XPR1: variants seen among roughly 807,000 people sequenced by gnomAD.
XPR1 encodes xenotropic and polytropic retrovirus receptor 1.
A neutral mutation model predicts 87.5 loss-of-function variants in XPR1; 28 were observed. That is an observed-to-expected ratio of 0.32 (90% CI 0.24 to 0.44). XPR1 has a LOEUF of 0.44. Among genes scored for constraint, XPR1 ranks in the 20% least tolerant of loss-of-function variants. XPR1 has a pLI of 1.00. For synonymous variants in XPR1, 300 were observed against 306.1 expected, an observed-to-expected ratio of 0.98 and a Z score of 0.21; for missense variants, 559 against 862.3, an observed-to-expected ratio of 0.65 and a Z score of 4.41.
intron 3 of XPR1, among the ~76,000 whole-genome samples, chr1:180,794,010 T>C (rs1206732855): frequency 6.6e-6 from 1 of 152,168 alleles, no homozygotes; most frequent in Non-Finnish European, 1.5e-5. Context: ...ATAATGGGTT[T>C]TTTTTAAATT....
Position 180,885,869 on chromosome 1 carries a change from A to G in XPR1, c.*1803A>G, listed in dbSNP as rs1652993190. 1 of 152,252 alleles carries G rather than the reference A, an allele frequency of 6.6e-6. No homozygotes were observed. The highest frequency in any genetic ancestry group is 2.4e-5 in the African/African-American group (1 of 41,464). 9.4% of individuals were successfully genotyped at this position (152,252 alleles called of 1,614,324 possible). ...AACTCCAGTAAAAGTTACTGTTACT[A>G]GAAAATTTTTATCAATTAACTGACA... On this transcript the variant is annotated 3_prime_UTR_variant, in exon 15 of 15. Coordinates refer to ENST00000367590, the MANE Select transcript of XPR1 (RefSeq NM_004736.4).
At chr1:180,742,573 G>C (rs190298616) in intron 2 of XPR1, among the ~76,000 whole-genome samples, 115 of 152,172 alleles carry the variant, frequency 7.6e-4, no homozygotes, top group African/African-American at 2.6e-3. Flanking sequence ...ATAGTTCCAT[G>C]TGCATTTTGA....
intron 13 of XPR1, among the ~76,000 whole-genome samples, chr1:180,876,492 C>T (rs1003694191): frequency 2.0e-5 from 3 of 151,886 alleles, no homozygotes; most frequent in South Asian, 2.1e-4. Context: ...AAAAATTAGC[C>T]GGGAGTAGTG....
At chr1:180,703,482 T>A (rs7531674) in intron 2 of XPR1, among the ~76,000 whole-genome samples, 6,522 of 152,136 alleles carry the variant, frequency 0.043, 495 homozygotes, top group African/African-American at 0.15. Flanking sequence ...TGGCCATGGT[T>A]AGCAGGGCAG....
At chr1:180,654,719 TCTA>T (rs1266592679) in intron 1 of XPR1, among the ~76,000 whole-genome samples, 1 of 152,222 alleles carries the variant, frequency 6.6e-6, no homozygotes. Flanking sequence ...TCAAGGTGCA[TCTA>T]TGTTGTGCAT....
chr1:180,844,425 A>G (rs540146833), intron 11 of XPR1, among the ~76,000 whole-genome samples: 1 of 152,270 alleles, frequency 6.6e-6, no homozygotes, highest in South Asian at 2.1e-4. Context: ...AAAGAAAGAG[A>G]AAAAAATGAG....
intron 11 of XPR1, among the ~76,000 whole-genome samples, chr1:180,852,476 G>A (rs1016443318): frequency 2.0e-4 from 30 of 151,562 alleles, no homozygotes; most frequent in African/African-American, 7.0e-4. Flanking sequence ...TTTACTTATC[G>A]GTGGTCAACC....
chr1:180,825,681 A>G (rs1476329107), intron 9 of XPR1, among the ~76,000 whole-genome samples: 1 of 152,244 alleles, frequency 6.6e-6, no homozygotes, highest in Non-Finnish European at 1.5e-5. Flanking sequence ...GTATCAACCG[A>G]ACATTTTATT....
chr1:180,816,248 T>G lies in XPR1; in HGVS notation c.763+4760T>G, dbSNP rs566229080. On this transcript the variant is annotated intron_variant, in intron 7 of 14. Coordinates refer to ENST00000367590, the MANE Select transcript of XPR1 (RefSeq NM_004736.4). ...CTCCGATCATCAGGCATTAGTTAGA[T>G]TCTCATAAGGAGCGCGCAACCTAGA... Among the ~76,000 whole-genome samples, 8 of 152,292 alleles carry G rather than the reference T, an allele frequency of 5.3e-5. No individual in the cohort carries two copies. In the South Asian group the frequency reaches 6.2e-4, roughly 12 times the overall value.
At chr1:180,838,442 C>G (rs1195035229) in intron 11 of XPR1, among the ~76,000 whole-genome samples, 3 of 152,052 alleles carry the variant, frequency 2.0e-5, no homozygotes, top group Non-Finnish European at 2.9e-5. Flanking sequence ...TGATAGCATT[C>G]AGTAAAAAGC....
At chr1:180,727,228 G>A (rs1658385812) in intron 2 of XPR1, among the ~76,000 whole-genome samples, 1 of 152,126 alleles carries the variant, frequency 6.6e-6, no homozygotes, top group Non-Finnish European at 1.5e-5. Context: ...GTGGGATATA[G>A]GATGCCTGAA....
intron 11 of XPR1, among the ~76,000 whole-genome samples, chr1:180,855,529 G>A (rs1651998380): frequency 6.6e-6 from 1 of 151,936 alleles, no homozygotes; most frequent in Non-Finnish European, 1.5e-5. Context: ...GCCGGGTGTG[G>A]TGGTGTGTGC....
chr1:180,656,400 AATATTTAT>A (rs1344391114), intron 1 of XPR1, among the ~76,000 whole-genome samples: 7 of 39,414 alleles, frequency 1.8e-4, no homozygotes, highest in Middle Eastern at 8.9e-3. Context: ...TTTATATATA[AATATTTAT>A]ATATTTATAT....
intron 2 of XPR1, among the ~76,000 whole-genome samples, chr1:180,782,867 G>A (rs3002123): frequency 0.26 from 38,942 of 151,468 alleles, 5,708 homozygotes; most frequent in East Asian, 0.55. Flanking sequence ...ATTGGGGTGG[G>A]GAAAACTCAT....
At chr1:180,732,911 A>G (rs1658605417) in intron 2 of XPR1, among the ~76,000 whole-genome samples, 1 of 152,132 alleles carries the variant, frequency 6.6e-6, no homozygotes, top group Non-Finnish European at 1.5e-5. Flanking sequence ...CAGATGGGGA[A>G]AGCCAGAAGG....
chr1:180,738,486 T>C (rs550684338), intron 2 of XPR1, among the ~76,000 whole-genome samples: 1 of 152,330 alleles, frequency 6.6e-6, no homozygotes, highest in South Asian at 2.1e-4. Flanking sequence ...CATATTTAAT[T>C]TTTTAGAATC....
chr1:180,661,702 T>C (rs1424326226), intron 1 of XPR1, among the ~76,000 whole-genome samples: 1 of 151,994 alleles, frequency 6.6e-6, no homozygotes, highest in Non-Finnish European at 1.5e-5. Flanking sequence ...AAACCCAGTC[T>C]GTACTAAAAA....
At chr1:180,754,855 C>G (rs1472915934) in intron 2 of XPR1, among the ~76,000 whole-genome samples, 1 of 152,010 alleles carries the variant, frequency 6.6e-6, no homozygotes, top group Non-Finnish European at 1.5e-5. Context: ...TCTTTTGTCC[C>G]CCTCACTCCC....
At chr1:180,683,973 C>T (rs1429100326) in intron 2 of XPR1, among the ~76,000 whole-genome samples, 1 of 152,076 alleles carries the variant, frequency 6.6e-6, no homozygotes, top group East Asian at 1.9e-4. Flanking sequence ...TTAATTCGAT[C>T]CCATTTGTCA....
Sources: allele counts gnomAD v4.1 joint callset (sites outside exome capture counted in the v4.1 genomes callset), GRCh38; gene constraint gnomAD v4.1.1; transcripts MANE v1.5; gene names NCBI Gene and HGNC (gene_info 2026-07-23, HGNC 2026-07-21).